Variants in KCNK2 observed in about 807,000 individuals in gnomAD.
KCNK2 encodes the protein potassium two pore domain channel subfamily K member 2, also known as potassium channel subfamily K member 2.
KCNK2 carries 21 observed loss-of-function variants against 40.5 expected under a neutral mutation model. The observed-to-expected ratio is 0.52, with a 90% CI of 0.37 to 0.75. The LOEUF (loss-of-function observed/expected upper bound fraction) is 0.75. Among genes scored for constraint, KCNK2 ranks in the 30% least tolerant of loss-of-function variants. The pLI, the probability that KCNK2 is intolerant of heterozygous loss-of-function variation, is 0.00. For missense variants in KCNK2, 399 were observed against 531.6 expected (o/e 0.75, Z 2.45); for synonymous variants, 191 against 202.2 (o/e 0.94, Z 0.47).
chr1:215,136,104 C>A (rs1661896756), intron 3 of KCNK2, among the ~76,000 whole-genome samples: 1 of 150,912 alleles, frequency 6.6e-6, no homozygotes, highest in Admixed American at 6.6e-5. Context: ...ATAATGTTAC[C>A]ACCTTTTTTT....
chr1:215,146,702 C>T (rs1662432027), intron 3 of KCNK2, among the ~76,000 whole-genome samples: 1 of 152,104 alleles, frequency 6.6e-6, no homozygotes, highest in Non-Finnish European at 1.5e-5. Flanking sequence ...GTTTGAGGAC[C>T]CATATCTCTC....
intron 6 of KCNK2, among the ~76,000 whole-genome samples, chr1:215,230,092 T>TATACACACACACACAC (rs1198375667): frequency 7.1e-6 from 1 of 141,242 alleles, no homozygotes; most frequent in Non-Finnish European, 1.5e-5. Context: ...TGTGTGTGTA[T>TATACACACACACACAC]ACACACACAC....
At chr1:215,071,291 A>C (rs539516838) in intron 1 of KCNK2, among the ~76,000 whole-genome samples, 1 of 152,334 alleles carries the variant, frequency 6.6e-6, no homozygotes, top group Non-Finnish European at 1.5e-5. Flanking sequence ...CTCAGTTATT[A>C]CCTAATCATG....
At chr1:215,093,981 A>G (rs1659869263) in intron 2 of KCNK2, among the ~76,000 whole-genome samples, 1 of 135,100 alleles carries the variant, frequency 7.4e-6, no homozygotes. Context: ...TATATATTGT[A>G]TATGGTTGGT....
chr1:215,129,724 T>A (rs1029870540), intron 3 of KCNK2, among the ~76,000 whole-genome samples: 1 of 151,678 alleles, frequency 6.6e-6, no homozygotes, highest in Non-Finnish European at 1.5e-5. Context: ...AGAAGTGAGG[T>A]TAGAGAGATA....
intron 6 of KCNK2, among the ~76,000 whole-genome samples, chr1:215,206,500 T>C (rs1459277232): frequency 1.3e-5 from 2 of 152,196 alleles, no homozygotes; most frequent in African/African-American, 2.4e-5. Context: ...GAAAATCATA[T>C]TTAGCCACAC....
upstream of KCNK2, among the ~76,000 whole-genome samples, chr1:215,079,133 A>G (rs1659053945): frequency 6.6e-6 from 1 of 152,218 alleles, no homozygotes; most frequent in Non-Finnish European, 1.5e-5. Context: ...CAGTTTGCTT[A>G]TTCATTAAAT....
intron 5 of KCNK2, among the ~76,000 whole-genome samples, chr1:215,183,486 T>C (rs993721343): frequency 1.3e-5 from 2 of 152,194 alleles, no homozygotes; most frequent in South Asian, 2.1e-4. Flanking sequence ...ATATATGTGT[T>C]ATTTCAACTG....
rs1265195200 is a variant in KCNK2 at position 215,102,056 on chromosome 1, G to A, written c.357+15378G>A. ...GTGTACGTGTGATATTTTGATGCCT[G>A]TATACAATATGTAATGATTAAAGGA... is the stretch of plus-strand genomic sequence containing the variant. On this transcript the variant is annotated intron_variant, in intron 2 of 6. Transcript: ENST00000444842. Among the ~76,000 whole-genome samples the A allele has an allele frequency of 2.6e-5, 4 of 152,056 alleles. No individual in the cohort carries two copies. In the East Asian group the frequency reaches 5.8e-4, roughly 22 times the overall value.
intron 6 of KCNK2, among the ~76,000 whole-genome samples, chr1:215,232,832 T>C (rs1222708913): frequency 1.3e-5 from 2 of 152,114 alleles, no homozygotes; most frequent in African/African-American, 4.8e-5. Context: ...ATAAACCTGA[T>C]GGAATAGATT....
intron 3 of KCNK2, among the ~76,000 whole-genome samples, chr1:215,160,826 T>C (rs948010619): frequency 6.6e-6 from 1 of 152,218 alleles, no homozygotes; most frequent in Non-Finnish European, 1.5e-5. Context: ...TTTGTAGATC[T>C]AGTTCAGGTT....
intron 6 of KCNK2, among the ~76,000 whole-genome samples, chr1:215,212,498 A>G (rs1665783935): frequency 6.6e-6 from 1 of 152,162 alleles, no homozygotes; most frequent in African/African-American, 2.4e-5. Context: ...TCCAGCTGAT[A>G]TGTTTCTAGA....
intron 3 of KCNK2, among the ~76,000 whole-genome samples, chr1:215,152,209 G>A (rs950903099): frequency 1.2e-5 from 1 of 80,392 alleles, no homozygotes; most frequent in Non-Finnish European, 3.7e-5. Context: ...ACTGAGAGCC[G>A]TGTGGCCTCT....
At chr1:215,221,912 A>C (rs938822613) in intron 6 of KCNK2, among the ~76,000 whole-genome samples, 6 of 152,218 alleles carry the variant, frequency 3.9e-5, no homozygotes, top group African/African-American at 1.2e-4. Context: ...ATAAGAAAAG[A>C]AGTTTAATTG....
intron 6 of KCNK2, among the ~76,000 whole-genome samples, chr1:215,221,753 C>T (rs1008134542): frequency 6.6e-6 from 1 of 152,088 alleles, no homozygotes; most frequent in African/African-American, 2.4e-5. Context: ...AGGAATCAAC[C>T]GTATCTAGTT....
At chr1:215,232,923 T>C (rs555831078) in intron 6 of KCNK2, among the ~76,000 whole-genome samples, 1 of 152,256 alleles carries the variant, frequency 6.6e-6, no homozygotes, top group South Asian at 2.1e-4. Flanking sequence ...TAATATAAAC[T>C]GTGGGAGGGT....
chr1:215,019,012 T>C (rs1656694258), intron 1 of KCNK2, among the ~76,000 whole-genome samples: 1 of 148,500 alleles, frequency 6.7e-6, no homozygotes, highest in South Asian at 2.1e-4. Flanking sequence ...AAAAAAACCA[T>C]CTAAGAAAGA....
chr1:215,023,900 T>C (rs1358635534), intron 1 of KCNK2, among the ~76,000 whole-genome samples: 1 of 152,206 alleles, frequency 6.6e-6, no homozygotes, highest in Non-Finnish European at 1.5e-5. Flanking sequence ...CCACTTCACC[T>C]TGCTGCCTTT....
At chr1:215,225,877 A>T (rs2102705620) in intron 6 of KCNK2, among the ~76,000 whole-genome samples, 1 of 152,328 alleles carries the variant, frequency 6.6e-6, no homozygotes, top group South Asian at 2.1e-4. Context: ...CTTACCTTCA[A>T]AAAATTGGCC....
Sources: allele counts gnomAD v4.1 joint callset (sites outside exome capture counted in the v4.1 genomes callset), GRCh38; gene constraint gnomAD v4.1.1; transcripts MANE v1.5; gene names NCBI Gene and HGNC (gene_info 2026-07-23, HGNC 2026-07-21).